Variants in CAST observed in about 807,000 individuals in gnomAD.
The protein encoded by CAST is MIR583 host.
A neutral mutation model predicts 119.6 loss-of-function variants in CAST; 76 were observed. That is an observed-to-expected ratio of 0.64 (90% confidence interval 0.53 to 0.77). CAST has a LOEUF of 0.77. Among genes scored for constraint, CAST ranks in the 30% least tolerant of loss-of-function variants. CAST has a pLI of 0.00. For missense variants in CAST, 953 were observed against 946.5 expected (o/e 1.01, Z -0.09); for synonymous variants, 319 against 331.6 (o/e 0.96, Z 0.41).
At chr5:96,479,490 G>C in the CAST span, among the ~76,000 whole-genome samples, 1 of 127,328 alleles carries the variant, frequency 7.9e-6, no homozygotes, top group Admixed American at 9.0e-5. Context: ...TTGCTATGTT[G>C]CCAGTCTGGA....
chr5:96,461,315 T>C, the CAST span, among the ~76,000 whole-genome samples: 3 of 152,190 alleles, frequency 2.0e-5, no homozygotes, highest in African/African-American at 7.2e-5. Context: ...ATAATGCTAC[T>C]ATGAACATGT....
chr5:96,459,179 A>G, the CAST span, among the ~76,000 whole-genome samples: 16 of 152,230 alleles, frequency 1.1e-4, no homozygotes, highest in South Asian at 3.3e-3. Context: ...GAAGTGAATA[A>G]AATCATCAGT....
At chr5:96,322,201 A>G in the CAST span, among the ~76,000 whole-genome samples, 2 of 152,158 alleles carry the variant, frequency 1.3e-5, no homozygotes, top group African/African-American at 4.8e-5. Context: ...GGAAACAAGA[A>G]TACAAGTAGA....
In CAST at chr5:96,727,501, G is replaced by A. The variant is rs775175288; in HGVS notation, c.349G>A (p.Glu117Lys). The change falls in exon 6 of 32, where the codon GAA becomes AAA. Residue 117 changes from glutamate to lysine, a missense_variant. Glu to Lys is a moderately conservative substitution (Grantham distance 56). Coordinates refer to ENST00000675179, the MANE Select transcript of CAST (RefSeq NM_001750.7). ...TTTCTGAACTTAGGCTGTAAAAACA[G>A]AACCTGAGAAGAAGTCACAGTCAAC... ...KKHKKQAVKT[E>K]PEKKSQSTKL... 3.2e-6 allele frequency: 5 copies of A among 1,557,354 alleles called. No individual in the cohort carries two copies. In the Admixed American group the frequency reaches 9.1e-5, roughly 28 times the overall value.
At chr5:96,770,241 C>T in intron 29 of CAST, 1 of 361,010 alleles carries the variant, frequency 2.8e-6, no homozygotes, top group East Asian at 5.3e-5. Flanking sequence ...TATCTATTGA[C>T]AAGCTCTGTT....
chr5:96,145,540 T>A, the CAST span, among the ~76,000 whole-genome samples: 1 of 152,140 alleles, frequency 6.6e-6, no homozygotes, highest in East Asian at 1.9e-4. Context: ...ACATTTTTTT[T>A]AATGTAAGCC....
At chr5:96,518,738 G>T in the CAST span, among the ~76,000 whole-genome samples, 1 of 152,202 alleles carries the variant, frequency 6.6e-6, no homozygotes, top group Non-Finnish European at 1.5e-5. Flanking sequence ...TAGTCTTAAA[G>T]AATCGCTGTG....
the CAST span, among the ~76,000 whole-genome samples, chr5:96,355,307 G>T: frequency 6.6e-6 from 1 of 151,158 alleles, no homozygotes; most frequent in African/African-American, 2.4e-5. Context: ...GTGTTAGTTT[G>T]CTGAGAATGA....
the CAST span, among the ~76,000 whole-genome samples, chr5:96,168,144 G>A: frequency 1.5e-4 from 23 of 152,332 alleles, no homozygotes; most frequent in African/African-American, 4.1e-4. Context: ...ATAGGTGGAA[G>A]TTTCAGTGGG....
chr5:96,743,617 C>T (rs1763138794), intron 16 of CAST: 1 of 1,611,702 alleles, frequency 6.2e-7, no homozygotes, highest in African/African-American at 1.3e-5. Flanking sequence ...TGGGACTGCC[C>T]TGGCCTAAGA....
chr5:96,658,361 A>G (rs1748193057), upstream of CAST, among the ~76,000 whole-genome samples: 1 of 152,158 alleles, frequency 6.6e-6, no homozygotes, highest in Non-Finnish European at 1.5e-5. Context: ...GGAAAAATGG[A>G]AAAAGCACCC....
chr5:96,254,510 A>G, the CAST span, among the ~76,000 whole-genome samples: 47 of 152,192 alleles, frequency 3.1e-4, no homozygotes, highest in African/African-American at 1.1e-3. Flanking sequence ...GCTTATTGCA[A>G]TCTGTATCTA....
At chr5:96,495,135 A>AAC in the CAST span, among the ~76,000 whole-genome samples, 246 of 146,592 alleles carry the variant, frequency 1.7e-3, 7 homozygotes, top group Middle Eastern at 3.5e-3. Context: ...AAAAAAAAAA[A>AAC]AAAAAGTGTG....
chr5:96,468,668 T>A, the CAST span, among the ~76,000 whole-genome samples: 1 of 152,138 alleles, frequency 6.6e-6, no homozygotes, highest in East Asian at 1.9e-4. Flanking sequence ...TTAAAGTTGG[T>A]TTTAGCTAAT....
At chr5:96,357,932 A>G in the CAST span, among the ~76,000 whole-genome samples, 20 of 152,340 alleles carry the variant, frequency 1.3e-4, no homozygotes, top group South Asian at 2.7e-3. Flanking sequence ...TACCTCTGGT[A>G]GAATTCGGCT....
intron 1 of CAST, among the ~76,000 whole-genome samples, chr5:96,540,188 A>C (rs1270050537): frequency 6.6e-6 from 1 of 152,032 alleles, no homozygotes; most frequent in African/African-American, 2.4e-5. Context: ...TAAACAGTTA[A>C]TTATATTTTT....
chr5:96,051,216 C>T, the CAST span, among the ~76,000 whole-genome samples: 1 of 152,028 alleles, frequency 6.6e-6, no homozygotes, highest in Admixed American at 6.5e-5. Context: ...GTGTGTGTGA[C>T]ACACAGAGAG....
chr5:96,531,450 A>G (rs905207837), intron 1 of CAST, among the ~76,000 whole-genome samples: 1 of 139,380 alleles, frequency 7.2e-6, no homozygotes, highest in Non-Finnish European at 1.6e-5. Flanking sequence ...TCCTCCATAG[A>G]AACTGAGACC....
the CAST span, among the ~76,000 whole-genome samples, chr5:96,125,179 G>A: frequency 6.6e-6 from 1 of 152,134 alleles, no homozygotes; most frequent in Non-Finnish European, 1.5e-5. Context: ...GCCTTTGAGA[G>A]CAAAGCAGTC....
Sources: gnomAD v4.1 joint callset for allele counts (sites outside exome capture counted in the v4.1 genomes callset) on GRCh38, gnomAD v4.1.1 for gene constraint, MANE v1.5 for transcripts, NCBI Gene and HGNC (gene_info 2026-07-23, HGNC 2026-07-21) for gene names.